The following AKR1C3 variants were observed in gnomAD, a reference collection of about 807,000 sequenced individuals.
AKR1C3 encodes aldo-keto reductase family 1 member C3.
Under a neutral mutation model 43.6 loss-of-function variants are expected in AKR1C3, and 48 were observed. That is an observed-to-expected ratio of 1.10 (90% CI 0.87 to 1.40). The LOEUF is 1.40. Among genes scored for constraint, AKR1C3 ranks in the 40% most tolerant of loss-of-function variants. AKR1C3 has a pLI of 0.00. For synonymous variants in AKR1C3, 162 were observed against 139.6 expected, an observed-to-expected ratio of 1.16 and a Z score of -1.13; for missense variants, 482 against 391.2, an observed-to-expected ratio of 1.23 and a Z score of -1.96.
At chr10:5,054,924 G>A (rs1838228269) in intron 1 of AKR1C3, among the ~76,000 whole-genome samples, 1 of 152,228 alleles carries the variant, frequency 6.6e-6, no homozygotes, top group Non-Finnish European at 1.5e-5. Context: ...TTTTTGCACT[G>A]CATGCAATAA....
Position 5,107,317 on chromosome 10 carries a change from A to C in AKR1C3, c.930-144A>C, listed in dbSNP as rs782253056. ...TTTGAAAATACTGTATTATGAAGCC[A>C]TGTTCATAAAGGTAAGAAAGGCAGA... On this transcript the variant is annotated intron_variant, in intron 8 of 8. Coordinates refer to ENST00000380554, the MANE Select transcript of AKR1C3 (RefSeq NM_003739.6). 6 of 630,876 alleles carry C rather than the reference A, an allele frequency of 9.5e-6. No homozygotes were observed. In the African/African-American group the frequency reaches 1.1e-4, roughly 12 times the overall value. The allele number at this position is 630,876 out of a possible 1,614,324, so 39.1% of individuals were successfully genotyped here. A position where few individuals can be genotyped will look rare whatever the true frequency, so the allele number is the denominator to read the frequency against.
At chr10:5,084,033 G>A (rs1357133553) in intron 1 of AKR1C3, among the ~76,000 whole-genome samples, 1 of 152,190 alleles carries the variant, frequency 6.6e-6, no homozygotes, top group Admixed American at 6.5e-5. Flanking sequence ...TAGGTTGCCT[G>A]TTCACTCTGA....
chr10:5,094,245 C>A, upstream of AKR1C3: 1 of 388,652 alleles, frequency 2.6e-6, no homozygotes, highest in South Asian at 2.7e-5. Flanking sequence ...CTTAGGAATT[C>A]TCTTTGATAA....
chr10:5,058,575 G>C (rs1207453880), intron 1 of AKR1C3, among the ~76,000 whole-genome samples: 1 of 152,124 alleles, frequency 6.6e-6, no homozygotes, highest in Non-Finnish European at 1.5e-5. Flanking sequence ...CCCTGCCCAA[G>C]AACCCACAAC....
chr10:5,095,650 GTCAA>G (rs1167699095), intron 1 of AKR1C3, among the ~76,000 whole-genome samples: 1 of 151,896 alleles, frequency 6.6e-6, no homozygotes. Context: ...TCCAAATTTG[GTCAA>G]TAAGTCAGTA....
intron 7 of AKR1C3, 24 bp from the exon 8 acceptor site, chr10:5,105,571 A>ACTTT: frequency 1.3e-6 from 2 of 1,592,250 alleles, no homozygotes; most frequent in Non-Finnish European, 1.7e-6. Context: ...TCTAAAAATA[A>ACTTT]TAAAAGTTTT....
intron 7 of AKR1C3, among the ~76,000 whole-genome samples, chr10:5,103,560 C>G (rs782569150): frequency 2.0e-5 from 3 of 152,256 alleles, no homozygotes; most frequent in East Asian, 3.9e-4. Flanking sequence ...TGCAGGACAA[C>G]GAGATAGCTC....
At chr10:5,094,326 C>T, upstream of AKR1C3, 2 of 1,146,618 alleles carry the variant, frequency 1.7e-6, no homozygotes, top group East Asian at 3.2e-5. Flanking sequence ...CTCCTACATG[C>T]CATTGGTTAA....
chr10:5,076,667 C>T (rs1554781873), intron 1 of AKR1C3, among the ~76,000 whole-genome samples: 1 of 152,086 alleles, frequency 6.6e-6, no homozygotes, highest in East Asian at 1.9e-4. Context: ...TTCATGCCTT[C>T]TATTTCCTTC....
At chr10:5,052,998 G>C (rs1554779126) in intron 1 of AKR1C3, among the ~76,000 whole-genome samples, 1 of 152,238 alleles carries the variant, frequency 6.6e-6, no homozygotes, top group South Asian at 2.1e-4. Context: ...TAGACACAGG[G>C]TGCTGATTGG....
At chr10:5,096,201 TCAAC>T in intron 1 of AKR1C3, 4 of 530,694 alleles carry the variant, frequency 7.5e-6, no homozygotes, top group Non-Finnish European at 1.3e-5. Flanking sequence ...ATAACAGTGA[TCAAC>T]CAGAGATTGC....
chr10:5,088,755 A>G (rs1466540441), intron 1 of AKR1C3, among the ~76,000 whole-genome samples: 3 of 151,816 alleles, frequency 2.0e-5, no homozygotes, highest in Non-Finnish European at 2.9e-5. Context: ...CCTTTTATCA[A>G]ATTTTCTGTT....
intron 3 of AKR1C3, 152 bp from the exon 4 acceptor site, chr10:5,098,650 C>G (rs1839272758): frequency 1.1e-5 from 7 of 646,880 alleles, no homozygotes; most frequent in Non-Finnish European, 1.9e-5. Flanking sequence ...TTCCTTATAC[C>G]TTCATATGTA....
chr10:5,105,487 T>TA, intron 7 of AKR1C3, 108 bp from the exon 8 acceptor site: 2 of 839,784 alleles, frequency 2.4e-6, no homozygotes, highest in Admixed American at 5.0e-5. Context: ...TATAACTGTT[T>TA]AAAACTTACC....
At chr10:5,104,734 T>TTAATATATATATCATTAA (rs1204956749) in intron 7 of AKR1C3, among the ~76,000 whole-genome samples, 1 of 152,146 alleles carries the variant, frequency 6.6e-6, no homozygotes, top group Non-Finnish European at 1.5e-5. Flanking sequence ...AAATGGCCTT[T>TTAATATATATATCATTAA]TAATATATAT....
chr10:5,067,621 C>T (rs1486597515), intron 1 of AKR1C3, among the ~76,000 whole-genome samples: 1 of 152,136 alleles, frequency 6.6e-6, no homozygotes, highest in Non-Finnish European at 1.5e-5. Flanking sequence ...AACCAGAAAA[C>T]ATGCATTGAA....
intron 1 of AKR1C3, among the ~76,000 whole-genome samples, chr10:5,060,785 T>G (rs116327116): frequency 0.31 from 47,578 of 151,746 alleles, 7,589 homozygotes; most frequent in East Asian, 0.41. Context: ...CCCACAGAGG[T>G]GGGGAGGCTC....
upstream of AKR1C3, among the ~76,000 whole-genome samples, chr10:5,091,156 T>C (rs782120229): frequency 5.9e-5 from 9 of 151,734 alleles, no homozygotes; most frequent in African/African-American, 1.5e-4. Context: ...ATTTTTGTGA[T>C]GACAGTAAAA....
At chr10:5,066,796 T>A (rs1484634183) in intron 1 of AKR1C3, among the ~76,000 whole-genome samples, 1 of 152,224 alleles carries the variant, frequency 6.6e-6, no homozygotes, top group African/African-American at 2.4e-5. Flanking sequence ...GCATAGATAC[T>A]TTTCTGTTCA....
Sources: allele counts gnomAD v4.1 joint callset (sites outside exome capture counted in the v4.1 genomes callset), GRCh38; gene constraint gnomAD v4.1.1; transcripts MANE v1.5; gene names NCBI Gene and HGNC (gene_info 2026-07-23, HGNC 2026-07-21).